FAM133B: variants seen among roughly 807,000 people sequenced by gnomAD.
The protein encoded by FAM133B is protein FAM133B.
Under a neutral mutation model 46.4 loss-of-function variants are expected in FAM133B, and 25 were observed. That is an observed-to-expected ratio of 0.54 (90% CI 0.39 to 0.75). The LOEUF is 0.75. FAM133B is among the 30% of genes least tolerant of loss of function. FAM133B has a pLI of 0.00. For synonymous variants in FAM133B, 75 were observed against 86.0 expected, an observed-to-expected ratio of 0.87 and a Z score of 0.71; for missense variants, 205 against 277.6, an observed-to-expected ratio of 0.74 and a Z score of 1.86.
chr7:92,570,590 G>C (rs1285368083), intron 8 of FAM133B, among the ~76,000 whole-genome samples: 3 of 152,036 alleles, frequency 2.0e-5, no homozygotes, highest in Admixed American at 6.5e-5. Context: ...ATTTTTCATG[G>C]AACTGTTCTG....
chr7:92,577,801 C>T, intron 5 of FAM133B, 84 bp from the exon 6 acceptor site: 1 of 1,081,624 alleles, frequency 9.2e-7, no homozygotes, highest in Non-Finnish European at 1.3e-6. Context: ...TTAGTGAAAT[C>T]AATCTAGTGT....
intron 8 of FAM133B, among the ~76,000 whole-genome samples, chr7:92,574,859 T>C (rs1341159735): frequency 1.3e-5 from 2 of 150,094 alleles, no homozygotes; most frequent in African/African-American, 4.9e-5. Context: ...GAGCCGAGAT[T>C]GCGCCACTGC....
chr7:92,590,230 C>G, intron 1 of FAM133B, 38 bp downstream of exon 1: 1 of 1,613,536 alleles, frequency 6.2e-7, no homozygotes. Flanking sequence ...GCCGCCGGGC[C>G]CTGCGTCGCC....
At chr7:92,576,504 G>C (rs1794700949) in intron 7 of FAM133B, among the ~76,000 whole-genome samples, 1 of 152,180 alleles carries the variant, frequency 6.6e-6, no homozygotes, top group Non-Finnish European at 1.5e-5. Flanking sequence ...GGTTTCCTGA[G>C]ACTCTAGTAC....
chr7:92,569,027 T>C (rs905566034), intron 9 of FAM133B, among the ~76,000 whole-genome samples: 1 of 152,080 alleles, frequency 6.6e-6, no homozygotes, highest in African/African-American at 2.4e-5. Flanking sequence ...AGGAATATAG[T>C]AGACAGAGAT....
chr7:92,580,943 T>C (rs1794848854), intron 2 of FAM133B, among the ~76,000 whole-genome samples: 3 of 152,236 alleles, frequency 2.0e-5, no homozygotes, highest in Admixed American at 2.0e-4. Context: ...AGCATACTTT[T>C]CAACCAGTTG....
intron 8 of FAM133B, among the ~76,000 whole-genome samples, chr7:92,572,518 G>C (rs151037177): frequency 1.9e-3 from 296 of 152,314 alleles, no homozygotes; most frequent in African/African-American, 6.7e-3. Flanking sequence ...AAGAGTTCCA[G>C]AACAGCCTGA....
At chr7:92,571,467 A>T (rs1182500494) in intron 8 of FAM133B, among the ~76,000 whole-genome samples, 1 of 152,012 alleles carries the variant, frequency 6.6e-6, no homozygotes, top group South Asian at 2.1e-4. Flanking sequence ...AATTTTTGTA[A>T]TCAGTTTTTG....
Position 92,561,000 on chromosome 7 carries a change from G to A in FAM133B, c.*1282C>T, listed in dbSNP as rs1033969523. 1 of 152,510 alleles carries A rather than the reference G, an allele frequency of 6.6e-6. No individual in the cohort carries two copies. Among genetic ancestry groups the A allele is most frequent in the African/African-American group, 2.4e-5 (1 of 41,412 alleles). 9.4% of individuals were successfully genotyped at this position (152,510 alleles called of 1,614,324 possible). A position where few individuals can be genotyped will look rare whatever the true frequency, so the allele number is the denominator to read the frequency against. Reference sequence around the variant, plus strand: ...GTAAACAATTCAGCAGTAGACATGAGGCACAAAATCTTAGTAAAATATGAC... The same window carrying A: ...GTAAACAATTCAGCAGTAGACATGAAGCACAAAATCTTAGTAAAATATGAC... On this transcript the variant is annotated 3_prime_UTR_variant, in exon 11 of 11. Coordinates refer to ENST00000445716, the MANE Select transcript of FAM133B (RefSeq NM_152789.4).
At chr7:92,564,300 GC>G (rs1205779753) in intron 10 of FAM133B, among the ~76,000 whole-genome samples, 1 of 152,096 alleles carries the variant, frequency 6.6e-6, no homozygotes, top group African/African-American at 2.4e-5. Flanking sequence ...GATTTCATGA[GC>G]CCGTCCCCAC....
At chr7:92,574,797 C>T (rs927228601) in intron 8 of FAM133B, among the ~76,000 whole-genome samples, 66 of 150,796 alleles carry the variant, frequency 4.4e-4, no homozygotes, top group African/African-American at 1.5e-3. Flanking sequence ...CCCAGCTACT[C>T]GGGAGGCTGA....
At chr7:92,562,965 A>C (rs117169621) in intron 10 of FAM133B, among the ~76,000 whole-genome samples, 9,725 of 152,268 alleles carry the variant, frequency 0.064, 394 homozygotes, top group Non-Finnish European at 0.087. Context: ...TTAGAAGAAA[A>C]TGCCACTAAT....
intron 8 of FAM133B, among the ~76,000 whole-genome samples, chr7:92,574,746 A>T (rs1319518502): frequency 6.6e-6 from 1 of 151,210 alleles, no homozygotes; most frequent in African/African-American, 2.4e-5. Flanking sequence ...TCTACTAAAA[A>T]TACAAAAAAT....
chr7:92,567,621 A>T (rs1191873882), intron 9 of FAM133B, among the ~76,000 whole-genome samples: 1 of 152,188 alleles, frequency 6.6e-6, no homozygotes, highest in African/African-American at 2.4e-5. Flanking sequence ...ACTAAGGGTG[A>T]CAGCAGATGT....
At position 92,584,699 on chromosome 7, in the gene FAM133B, C is replaced by T. The variant is rs116708991; in HGVS notation, c.25-3096G>A. 7.2e-3 allele frequency among the ~76,000 whole-genome samples: 1,090 copies of T among 152,264 alleles called. 15 individuals carry two copies. Among genetic ancestry groups the T allele is most frequent in the African/African-American group, 0.025 (1,042 of 41,540 alleles). On this transcript the variant is annotated intron_variant, in intron 1 of 10. Coordinates refer to ENST00000445716, the MANE Select transcript of FAM133B (RefSeq NM_152789.4). ...CAAATATTTCATTCAACTGCTTTTG[C>T]TAAGCATTTCGATTAGTTGGTGTGG...
At chr7:92,587,643 A>G (rs908437137) in intron 1 of FAM133B, among the ~76,000 whole-genome samples, 1 of 152,122 alleles carries the variant, frequency 6.6e-6, no homozygotes, top group Non-Finnish European at 1.5e-5. Flanking sequence ...CTGACGTGAG[A>G]GCATCCCTTG....
chr7:92,584,863 T>A (rs1794995273), intron 1 of FAM133B, among the ~76,000 whole-genome samples: 1 of 152,110 alleles, frequency 6.6e-6, no homozygotes, highest in South Asian at 2.1e-4. Flanking sequence ...TCCTCCTACT[T>A]GGGTAATAAA....
chr7:92,588,816 C>T (rs1795107271), intron 1 of FAM133B, among the ~76,000 whole-genome samples: 1 of 152,056 alleles, frequency 6.6e-6, no homozygotes, highest in Admixed American at 6.5e-5. Flanking sequence ...CAACTCTCCC[C>T]GTCCCTCTCT....
At chr7:92,581,818 G>A in intron 1 of FAM133B, 1 of 458,004 alleles carries the variant, frequency 2.2e-6, no homozygotes, top group South Asian at 2.7e-5. Flanking sequence ...GTGTGTGTGT[G>A]TGTGTGTGTG....
Sources: allele counts gnomAD v4.1 joint callset (sites outside exome capture counted in the v4.1 genomes callset), GRCh38; gene constraint gnomAD v4.1.1; transcripts MANE v1.5; gene names NCBI Gene and HGNC (gene_info 2026-07-23, HGNC 2026-07-21).